Variants in IQCM observed in about 807,000 individuals in gnomAD.
IQCM encodes IQ domain-containing protein M.
In IQCM, 45 loss-of-function variants were observed where a neutral mutation model predicts 57.6. The observed-to-expected ratio is 0.78, with a 90% CI of 0.62 to 1.00. IQCM has a LOEUF of 1.00. IQCM is among the 50% of genes least tolerant of loss of function. The pLI is 0.00. For synonymous variants in IQCM, 148 were observed against 158.9 expected (o/e 0.93, Z 0.51); for missense variants, 468 against 511.6 (o/e 0.91, Z 0.82).
intron 12 of IQCM, among the ~76,000 whole-genome samples, chr4:149,546,066 G>A (rs1176570284): frequency 1.3e-5 from 2 of 152,148 alleles, no homozygotes; most frequent in African/African-American, 2.4e-5. Context: ...AGAACATGCG[G>A]TGTTTGGTTT....
At chr4:149,806,038 T>C (rs565338613) in intron 2 of IQCM, among the ~76,000 whole-genome samples, 2 of 151,942 alleles carry the variant, frequency 1.3e-5, no homozygotes, top group East Asian at 3.9e-4. Context: ...ACATAATATA[T>C]ACATTCACAT....
chr4:149,543,461 T>C (rs1323700218), intron 12 of IQCM, among the ~76,000 whole-genome samples: 1 of 151,956 alleles, frequency 6.6e-6, no homozygotes. Context: ...ATGCGGTGTT[T>C]GGTTTTTTGT....
intron 5 of IQCM, among the ~76,000 whole-genome samples, chr4:149,714,187 T>C (rs2149838076): frequency 6.6e-6 from 1 of 152,328 alleles, no homozygotes; most frequent in Admixed American, 6.5e-5. Context: ...CAACACTCTC[T>C]GCTCCTGGGA....
intron 13 of IQCM, among the ~76,000 whole-genome samples, chr4:149,429,653 C>T (rs1232947901): frequency 6.6e-6 from 1 of 151,826 alleles, no homozygotes; most frequent in African/African-American, 2.4e-5. Context: ...ACAGGAGTAC[C>T]TACATTGTAG....
intron 12 of IQCM, among the ~76,000 whole-genome samples, chr4:149,470,071 A>G (rs767563438): frequency 6.6e-6 from 1 of 152,276 alleles, no homozygotes; most frequent in East Asian, 1.9e-4. Flanking sequence ...TCAACTAACG[A>G]GCAAAATAAC....
chr4:149,724,244 T>C (rs1294554338), intron 5 of IQCM, among the ~76,000 whole-genome samples: 3 of 151,982 alleles, frequency 2.0e-5, no homozygotes. Context: ...AAATATAAAT[T>C]AGGTTTCATA....
chr4:149,659,250 T>C (rs1026177126), intron 7 of IQCM, among the ~76,000 whole-genome samples: 6 of 151,746 alleles, frequency 4.0e-5, no homozygotes, highest in Non-Finnish European at 8.8e-5. Flanking sequence ...CAAAGAGAAT[T>C]AAATACCTAG....
At chr4:149,536,273 G>A (rs1317406773) in intron 12 of IQCM, among the ~76,000 whole-genome samples, 1 of 151,986 alleles carries the variant, frequency 6.6e-6, no homozygotes, top group African/African-American at 2.4e-5. Flanking sequence ...ATGGGGAAAA[G>A]CAATCACAAT....
intron 8 of IQCM, among the ~76,000 whole-genome samples, chr4:149,595,844 C>T (rs1014772535): frequency 6.6e-6 from 1 of 152,150 alleles, no homozygotes; most frequent in African/African-American, 2.4e-5. Context: ...CCAGACCAGC[C>T]TCCACTTTGG....
intron 12 of IQCM, among the ~76,000 whole-genome samples, chr4:149,480,359 A>AT (rs1201952301): frequency 6.6e-6 from 1 of 151,810 alleles, no homozygotes; most frequent in Non-Finnish European, 1.5e-5. Flanking sequence ...GGTCTTATTT[A>AT]TTTTTTCTTT....
intron 8 of IQCM, among the ~76,000 whole-genome samples, chr4:149,608,747 G>GT: frequency 6.6e-6 from 1 of 151,828 alleles, no homozygotes; most frequent in Admixed American, 6.6e-5. Context: ...AAACCTATGG[G>GT]ATACAGCCAA....
intron 5 of IQCM, among the ~76,000 whole-genome samples, chr4:149,726,713 A>C (rs960149550): frequency 7.2e-5 from 11 of 152,174 alleles, no homozygotes; most frequent in Non-Finnish European, 1.0e-4. Flanking sequence ...CTATAAGTAA[A>C]ATATACACTG....
chr4:149,505,179 G>A (rs963068604), intron 12 of IQCM, among the ~76,000 whole-genome samples: 2 of 152,106 alleles, frequency 1.3e-5, no homozygotes, highest in African/African-American at 4.8e-5. Context: ...ATGGGAAAAA[G>A]GGGGACAGCG....
intron 2 of IQCM, among the ~76,000 whole-genome samples, chr4:149,793,280 C>G (rs1340369666): frequency 6.6e-6 from 1 of 152,132 alleles, no homozygotes; most frequent in Admixed American, 6.6e-5. Flanking sequence ...AGGGTCAGAA[C>G]CACCTCAAAA....
At chr4:149,527,604 T>C (rs1275975170) in intron 12 of IQCM, among the ~76,000 whole-genome samples, 1 of 152,194 alleles carries the variant, frequency 6.6e-6, no homozygotes, top group Non-Finnish European at 1.5e-5. Context: ...AGTATTTTGT[T>C]AAAGCAGCCT....
At chr4:149,738,253 T>C (rs922507802) in intron 3 of IQCM, among the ~76,000 whole-genome samples, 1 of 152,150 alleles carries the variant, frequency 6.6e-6, no homozygotes, top group Non-Finnish European at 1.5e-5. Context: ...GTACTGGAAA[T>C]TCCTCTGAAA....
At chr4:149,716,340 G>A (rs771728828) in intron 5 of IQCM, among the ~76,000 whole-genome samples, 21 of 152,192 alleles carry the variant, frequency 1.4e-4, no homozygotes, top group Non-Finnish European at 2.5e-4. Context: ...TGACAGTGCC[G>A]GGGCTTGGCC....
chr4:149,726,143 A>G (rs79619935), intron 5 of IQCM, among the ~76,000 whole-genome samples: 2,739 of 123,194 alleles, frequency 0.022, 55 homozygotes, highest in African/African-American at 0.058. Context: ...AAGAAAGAAA[A>G]GAAAGAAAGA....
At chr4:149,479,729 G>C (rs1740572406) in intron 12 of IQCM, among the ~76,000 whole-genome samples, 1 of 152,176 alleles carries the variant, frequency 6.6e-6, no homozygotes, top group Non-Finnish European at 1.5e-5. Flanking sequence ...TCTCTGGCCT[G>C]GGATGATGGA....
Sources: allele counts gnomAD v4.1 joint callset (sites outside exome capture counted in the v4.1 genomes callset), GRCh38; gene constraint gnomAD v4.1.1; transcripts MANE v1.5; gene names NCBI Gene and HGNC (gene_info 2026-07-23, HGNC 2026-07-21).